Variants in ZNF608 observed in about 807,000 individuals in gnomAD.
The protein encoded by ZNF608 is zinc finger protein 608, also known as renal carcinoma antigen NY-REN-36.
A neutral mutation model predicts 109.0 loss-of-function variants in ZNF608; 12 were observed. That is an observed-to-expected ratio of 0.11 (90% CI 0.07 to 0.18). The LOEUF (loss-of-function observed/expected upper bound fraction) is 0.18, where lower values mean the gene tolerates loss of function less well. Ranked by LOEUF, ZNF608 falls within the 10% of genes least tolerant of loss-of-function variation. ZNF608 has a pLI of 1.00. For missense variants in ZNF608, 1,707 were observed against 1,879.3 expected, an observed-to-expected ratio of 0.91 and a Z score of 1.70; for synonymous variants, 732 against 717.4, an observed-to-expected ratio of 1.02 and a Z score of -0.33.
At chr5:124,724,821 G>C (rs1754075124) in intron 2 of ZNF608, among the ~76,000 whole-genome samples, 1 of 152,130 alleles carries the variant, frequency 6.6e-6, no homozygotes, top group African/African-American at 2.4e-5. Flanking sequence ...ACTGAGAAAT[G>C]AGAATGAAAT....
chr5:124,696,705 C>G (rs1407936074), intron 3 of ZNF608, among the ~76,000 whole-genome samples: 1 of 152,196 alleles, frequency 6.6e-6, no homozygotes, highest in African/African-American at 2.4e-5. Context: ...AACAACCCTG[C>G]TCACCTGCCA....
chr5:124,638,999 A>C, intron 9 of ZNF608, 134 bp downstream of exon 9: 1 of 904,666 alleles, frequency 1.1e-6, no homozygotes. Flanking sequence ...TTATATTGGC[A>C]TAATAAACAC....
chr5:124,643,730 T>TA (rs536852356), intron 6 of ZNF608, 47 bp from the exon 7 acceptor site: 64 of 1,571,748 alleles, frequency 4.1e-5, no homozygotes, highest in African/African-American at 1.9e-4. Context: ...GCTATATCTT[T>TA]AAAAAAAATC....
chr5:124,697,657 G>T (rs1172468728), intron 3 of ZNF608, among the ~76,000 whole-genome samples: 2 of 152,226 alleles, frequency 1.3e-5, no homozygotes, highest in East Asian at 1.9e-4. Context: ...GCACAACTTG[G>T]TTCTTAGACA....
chr5:124,661,044 C>A (rs535049539), intron 3 of ZNF608, among the ~76,000 whole-genome samples: 12 of 152,130 alleles, frequency 7.9e-5, no homozygotes, highest in Non-Finnish European at 1.8e-4. Flanking sequence ...TGAGGGACTT[C>A]TTTTATTATT....
chr5:124,648,403 C>T lies in ZNF608; in HGVS notation c.1981G>A (p.Gly661Ser), dbSNP rs1191571231. The change falls in exon 5 of 10, where the codon GGC (glycine) becomes AGC (serine). Residue 661 changes from glycine to serine, a missense_variant. Gly to Ser is a moderately conservative substitution (Grantham distance 56). This residue lies in a region of ZNF608 where 1,073 missense variants were observed against 1,133.5 expected (regional missense o/e 0.95). Transcript: ENST00000513986. ...IIGAKAGKNS[G>S]KKKGLNNELN... The stretch of plus-strand genomic sequence containing the variant: ...TCATTGTTAAGGCCCTTCTTTTTGC[C>T]AGAATTCTTCCCAGCTTTAGCACCA... The T allele has an allele frequency of 3.1e-6, 5 of 1,614,154 alleles. No individual in the cohort carries two copies. In the East Asian group the frequency reaches 6.7e-5, roughly 22 times the overall value.
chr5:124,676,250 CG>C (rs762684455), intron 3 of ZNF608, among the ~76,000 whole-genome samples: 11 of 152,084 alleles, frequency 7.2e-5, no homozygotes, highest in African/African-American at 1.2e-4. Flanking sequence ...AAACAATAAA[CG>C]CTCTGTGAAC....
At chr5:124,645,618 G>C (rs972394227) in intron 5 of ZNF608, among the ~76,000 whole-genome samples, 2 of 152,128 alleles carry the variant, frequency 1.3e-5, no homozygotes, top group Non-Finnish European at 2.9e-5. Flanking sequence ...CAGGATTAAT[G>C]CTCACGGGGT....
chr5:124,656,906 A>G (rs1751036404), intron 3 of ZNF608, among the ~76,000 whole-genome samples: 1 of 152,032 alleles, frequency 6.6e-6, no homozygotes, highest in South Asian at 2.1e-4. Flanking sequence ...ACAAAAGAAC[A>G]CAGAGCCACT....
chr5:124,709,992 T>C (rs1419041305), intron 2 of ZNF608: 1 of 241,492 alleles, frequency 4.1e-6, no homozygotes, highest in Non-Finnish European at 8.4e-6. Flanking sequence ...GAAAGTTCAG[T>C]GGTAAATTCT....
chr5:124,725,901 A>ATT (rs1754117290), intron 2 of ZNF608, among the ~76,000 whole-genome samples: 1 of 152,084 alleles, frequency 6.6e-6, no homozygotes, highest in Non-Finnish European at 1.5e-5. Flanking sequence ...CACTTTAAAA[A>ATT]ATGACAGATA....
Position 124,701,232 on chromosome 5 carries a change from G to T in ZNF608, c.944C>A (p.Pro315Gln), listed in dbSNP as rs1359015505. 1 of 1,614,124 alleles carries T rather than the reference G, an allele frequency of 6.2e-7. No individual in the cohort carries two copies. Among genetic ancestry groups the T allele is most frequent in the Non-Finnish European group, 8.5e-7 (1 of 1,180,008 alleles). Residue 315 changes from proline to glutamine, a missense_variant, in exon 3 of 10, where the codon CCG (proline) becomes CAG (glutamine). Pro to Gln is a moderately conservative substitution (Grantham distance 76). Transcript: ENST00000513986. ...CTGAGGCGTGAGACTGCTGGAAATC[G>T]GCGGTGGTGGCGCTGGCACTGTAAA... ...PLFTVPAPPP[P>Q]ISSSLTPQIL...
intron 2 of ZNF608, among the ~76,000 whole-genome samples, chr5:124,711,798 G>A (rs1753502781): frequency 6.6e-6 from 1 of 152,202 alleles, no homozygotes; most frequent in Non-Finnish European, 1.5e-5. Flanking sequence ...GCTGAGGCTG[G>A]AATATCAGAG....
chr5:124,705,479 T>C (rs1460760538), intron 2 of ZNF608, among the ~76,000 whole-genome samples: 1 of 152,184 alleles, frequency 6.6e-6, no homozygotes. Context: ...GCAAAGTGAA[T>C]GCTCAGCATA....
At position 124,646,638 on chromosome 5, in the gene ZNF608, G is replaced by A. The variant is rs767014669; in HGVS notation, c.3705+41C>T. The A allele has an allele frequency of 9.5e-6, 15 of 1,578,800 alleles. 1 individual carries two copies. The South Asian group carries it at 1.6e-4, about 17-fold the overall frequency. On this transcript the variant is annotated intron_variant, in intron 5 of 9. Transcript: ENST00000513986. ...CCAGACATGTATAATACAAGTCTCA[G>A]ACTGCTCTCTCCCTGTTGGGGCCAC...
At chr5:124,683,827 T>G (rs1319727863) in intron 3 of ZNF608, among the ~76,000 whole-genome samples, 1 of 152,246 alleles carries the variant, frequency 6.6e-6, no homozygotes, top group African/African-American at 2.4e-5. Context: ...TATATATAAG[T>G]AGCACTAGAA....
At chr5:124,740,127 T>C (rs1386747257) in intron 2 of ZNF608, among the ~76,000 whole-genome samples, 1 of 152,154 alleles carries the variant, frequency 6.6e-6, no homozygotes, top group African/African-American at 2.4e-5. Context: ...TAGGACAATC[T>C]TGATCAGTTA....
chr5:124,725,583 G>C (rs1055376507), intron 2 of ZNF608, among the ~76,000 whole-genome samples: 24 of 152,030 alleles, frequency 1.6e-4, no homozygotes, highest in African/African-American at 5.1e-4. Flanking sequence ...AGGAGGCAAG[G>C]AAATGAATAT....
intron 3 of ZNF608, among the ~76,000 whole-genome samples, chr5:124,665,133 G>A (rs1751424133): frequency 6.6e-6 from 1 of 150,814 alleles, no homozygotes; most frequent in African/African-American, 2.4e-5. Flanking sequence ...ATGAGATTGT[G>A]CCATTGCACT....
Sources: allele counts gnomAD v4.1 joint callset (sites outside exome capture counted in the v4.1 genomes callset), GRCh38; gene constraint gnomAD v4.1.1; regional missense constraint gnomAD v4.1.1; transcripts MANE v1.5; gene names NCBI Gene and HGNC (gene_info 2026-07-23, HGNC 2026-07-21).